CNTNAP2: variants seen among roughly 807,000 people sequenced by gnomAD.
The protein encoded by CNTNAP2 is contactin-associated protein-like 2.
Under a neutral mutation model 155.2 loss-of-function variants are expected in CNTNAP2, and 98 were observed. The observed-to-expected ratio is 0.63, with a 90% CI of 0.54 to 0.75. The LOEUF is 0.75. Ranked by LOEUF, CNTNAP2 falls within the 30% of genes least tolerant of loss-of-function variation. The pLI is 0.00. For synonymous variants in CNTNAP2, 651 were observed against 631.2 expected (o/e 1.03, Z -0.47); for missense variants, 1,727 against 1,688.1 (o/e 1.02, Z -0.40).
chr7:146,494,455 A>C (rs1433107422), intron 1 of CNTNAP2, among the ~76,000 whole-genome samples: 1 of 152,154 alleles, frequency 6.6e-6, no homozygotes, highest in African/African-American at 2.4e-5. Context: ...GAAAAATAAA[A>C]GTTTCCCTGA....
At chr7:148,241,121 T>C (rs112113178) in intron 20 of CNTNAP2, among the ~76,000 whole-genome samples, 29 of 152,344 alleles carry the variant, frequency 1.9e-4, no homozygotes, top group African/African-American at 6.5e-4. Context: ...AATAGCTCTG[T>C]GTTCTCTAGC....
intron 12 of CNTNAP2, among the ~76,000 whole-genome samples, chr7:147,573,732 G>T (rs556334143): frequency 2.2e-4 from 34 of 152,230 alleles, no homozygotes; most frequent in African/African-American, 7.9e-4. Context: ...TATATCTGGG[G>T]TATACCATCA....
chr7:147,934,425 T>C (rs1399859001), intron 14 of CNTNAP2, among the ~76,000 whole-genome samples: 1 of 152,106 alleles, frequency 6.6e-6, no homozygotes, highest in Admixed American at 6.5e-5. Context: ...CCATCAAATC[T>C]CATTAGACTT....
intron 22 of CNTNAP2, among the ~76,000 whole-genome samples, chr7:148,406,942 TAAAC>T (rs1360930373): frequency 7.2e-5 from 11 of 152,138 alleles, no homozygotes; most frequent in Admixed American, 2.6e-4. Context: ...ATGCGTAGAA[TAAAC>T]AGACCATGTC....
intron 8 of CNTNAP2, among the ~76,000 whole-genome samples, chr7:147,248,505 C>A (rs914798361): frequency 1.3e-5 from 2 of 152,116 alleles, no homozygotes; most frequent in African/African-American, 4.8e-5. Flanking sequence ...TTTCTCCATC[C>A]AGCTATTTTC....
intron 1 of CNTNAP2, among the ~76,000 whole-genome samples, chr7:146,399,096 T>C (rs560370504): frequency 3.7e-4 from 57 of 152,236 alleles, no homozygotes; most frequent in African/African-American, 1.3e-3. Flanking sequence ...ATATTTGTGG[T>C]ATACAACATT....
At chr7:146,795,159 A>G (rs1802746670) in intron 2 of CNTNAP2, among the ~76,000 whole-genome samples, 1 of 152,246 alleles carries the variant, frequency 6.6e-6, no homozygotes, top group Admixed American at 6.5e-5. Flanking sequence ...TCTCATGATA[A>G]AGAGCAATCT....
At chr7:146,728,381 G>A (rs1410956238) in intron 1 of CNTNAP2, among the ~76,000 whole-genome samples, 1 of 152,050 alleles carries the variant, frequency 6.6e-6, no homozygotes, top group Non-Finnish European at 1.5e-5. Context: ...ATGCAATGGA[G>A]AGCCCTTGAT....
chr7:148,398,590 G>T (rs1429449462), intron 22 of CNTNAP2, among the ~76,000 whole-genome samples: 1 of 152,168 alleles, frequency 6.6e-6, no homozygotes, highest in Non-Finnish European at 1.5e-5. Context: ...AGAGTAAAAG[G>T]AATCCCTTCA....
intron 13 of CNTNAP2, among the ~76,000 whole-genome samples, chr7:147,713,503 T>C (rs1248856650): frequency 6.6e-6 from 1 of 152,198 alleles, no homozygotes; most frequent in Non-Finnish European, 1.5e-5. Flanking sequence ...TTTTGGGTAA[T>C]AATTCATTGT....
intron 3 of CNTNAP2, among the ~76,000 whole-genome samples, chr7:146,870,768 C>T (rs950176659): frequency 1.3e-5 from 2 of 152,012 alleles, no homozygotes; most frequent in East Asian, 1.9e-4. Flanking sequence ...TGATTAATAA[C>T]AAGCATAATA....
rs541914265 is a variant in CNTNAP2, at chr7:146,277,218, G to A, written c.97+160245G>A. On this transcript the variant is annotated intron_variant, in intron 1 of 23. Transcript: ENST00000361727. ...CCCTGGAGACTTCAGAGGGAGTGTG[G>A]TCCTGCCGACACCTTGATTTTTGAA... Among the ~76,000 whole-genome samples the A allele has an allele frequency of 2.0e-3, 308 of 152,236 alleles. 3 individuals are homozygous for A. Among genetic ancestry groups the A allele is most frequent in the African/African-American group, 7.0e-3 (289 of 41,542 alleles).
chr7:148,016,747 G>A (rs1219970276), intron 15 of CNTNAP2, among the ~76,000 whole-genome samples: 3 of 152,182 alleles, frequency 2.0e-5, no homozygotes, highest in African/African-American at 7.2e-5. Flanking sequence ...GGTTGTCAAG[G>A]AGGAAGGTAT....
intron 1 of CNTNAP2, among the ~76,000 whole-genome samples, chr7:146,525,912 TC>T (rs552457029): frequency 1.1e-4 from 17 of 152,284 alleles, no homozygotes; most frequent in African/African-American, 4.1e-4. Flanking sequence ...CCATGCTGTA[TC>T]TGCTTATGTT....
chr7:147,617,540 T>C (rs188037876), intron 12 of CNTNAP2, among the ~76,000 whole-genome samples: 2 of 152,278 alleles, frequency 1.3e-5, no homozygotes, highest in East Asian at 1.9e-4. Flanking sequence ...AAATAGTATC[T>C]GCATATTGCC....
At chr7:147,494,514 C>A (rs1205940843) in intron 11 of CNTNAP2, among the ~76,000 whole-genome samples, 1 of 140,524 alleles carries the variant, frequency 7.1e-6, no homozygotes, top group African/African-American at 2.7e-5. Flanking sequence ...TATTGAAAAG[C>A]AGTGTGCTGT....
At chr7:147,170,503 C>A (rs1335028767) in intron 8 of CNTNAP2, among the ~76,000 whole-genome samples, 1 of 152,126 alleles carries the variant, frequency 6.6e-6, no homozygotes, top group African/African-American at 2.4e-5. Flanking sequence ...AGACCACGCC[C>A]TTACTGGGCC....
At chr7:147,001,004 T>C (rs890366272) in intron 3 of CNTNAP2, among the ~76,000 whole-genome samples, 6 of 152,108 alleles carry the variant, frequency 3.9e-5, no homozygotes, top group African/African-American at 1.2e-4. Flanking sequence ...TGCTGGTTTT[T>C]ACTGTGGTGG....
At chr7:147,385,521 G>T (rs963955486) in intron 9 of CNTNAP2, among the ~76,000 whole-genome samples, 1 of 152,178 alleles carries the variant, frequency 6.6e-6, no homozygotes, top group Non-Finnish European at 1.5e-5. Flanking sequence ...AAAATAAAGG[G>T]GCTAAAGTCC....
Sources: allele counts gnomAD v4.1 joint callset (sites outside exome capture counted in the v4.1 genomes callset), GRCh38; gene constraint gnomAD v4.1.1; transcripts MANE v1.5; gene names NCBI Gene and HGNC (gene_info 2026-07-23, HGNC 2026-07-21).